Variants in TRANK1 observed in about 807,000 individuals in gnomAD.
TRANK1 encodes the protein tetratricopeptide repeat and ankyrin repeat containing 1.
Under a neutral mutation model 266.0 loss-of-function variants are expected in TRANK1, and 198 were observed. The ratio of observed to expected loss-of-function variants is 0.74; its 90% CI spans 0.66 to 0.84. The LOEUF is 0.84. Ranked by LOEUF, TRANK1 falls within the 40% of genes least tolerant of loss-of-function variation. The pLI is 0.00. For missense variants in TRANK1, 3,326 were observed against 3,634.6 expected (o/e 0.92, Z 2.18); for synonymous variants, 1,396 against 1,384.1 (o/e 1.01, Z -0.19).
chr3:36,844,457 C>T lies in TRANK1; in HGVS notation c.5192-1747G>A, dbSNP rs193042115. Among the ~76,000 whole-genome samples, 689 of 152,274 alleles carry T rather than the reference C, an allele frequency of 4.5e-3. 1 individual carries two copies. The highest frequency in any genetic ancestry group is 0.035 in the South Asian group (168 of 4,822). ...GGTCAGGCTGGTCTTGAACTCCTGACGTCAGGTGATCCGCCCACCTTGGCC... is the reference window on the plus strand; with the variant it reads ...GGTCAGGCTGGTCTTGAACTCCTGATGTCAGGTGATCCGCCCACCTTGGCC... On this transcript the variant is annotated intron_variant, in intron 17 of 23. Transcript: ENST00000645898.
At position 36,857,753 on chromosome 3, in the gene TRANK1, G is replaced by A. The variant is rs760958239; in HGVS notation, c.1969C>T (p.Arg657Trp). Residue 657 changes from arginine to tryptophan, a missense_variant, in exon 13 of 24, where the codon CGG becomes TGG. Arg to Trp is a moderately radical substitution (Grantham distance 101). Coordinates refer to ENST00000645898, the MANE Select transcript of TRANK1 (RefSeq NM_001329998.2). The surrounding 1 kb of genome is among the most constrained non-coding windows in gnomAD (Gnocchi z 4.3). The stretch of plus-strand genomic sequence containing the variant: ...CCCAGGTGGGCAGCAGAGTCCTGCC[G>A]GCTCCTCCTCCTGTTCTCCATCAGA... ...KALMENRRRSRQDSAAHLGKL... is the reference protein window; with the variant it reads ...KALMENRRRSWQDSAAHLGKL... 36 of 1,613,856 alleles carry A rather than the reference G, an allele frequency of 2.2e-5. No homozygotes were observed. Among genetic ancestry groups the A allele is most frequent in the African/African-American group, 6.7e-5 (5 of 74,932 alleles).
At position 36,831,812 on chromosome 3, in the gene TRANK1, C is replaced by T; in HGVS notation, c.7771G>A (p.Glu2591Lys). Residue 2591 changes from glutamate to lysine, a missense_variant, in exon 22 of 24, where the codon GAG (glutamate) becomes AAG (lysine). Transcript: ENST00000645898. This position sits in a 1 kb window ranked among gnomAD's most constrained non-coding sequence, Gnocchi z 5.0. ...CKPLLYRHFR[E>K]IESRLQLMSM... ...ATGAGCTGCAGCCTTGACTCAATCT[C>T]CCGGAAGTGGCGATACAGGAGAGGC... 6.2e-7 allele frequency: 1 copy of T among 1,613,986 alleles called. No homozygotes were observed. Among genetic ancestry groups the T allele is most frequent in the Non-Finnish European group, 8.5e-7 (1 of 1,179,902 alleles).
intron 9 of TRANK1, among the ~76,000 whole-genome samples, chr3:36,866,448 A>G (rs1460834434): frequency 6.6e-6 from 1 of 152,240 alleles, no homozygotes; most frequent in African/African-American, 2.4e-5. Flanking sequence ...GAGGAAGACC[A>G]GTAGGTGAGT....
At chr3:36,900,414 T>C (rs912948288) in intron 3 of TRANK1, among the ~76,000 whole-genome samples, 3 of 152,162 alleles carry the variant, frequency 2.0e-5, no homozygotes, top group Non-Finnish European at 2.9e-5. Flanking sequence ...CAAAGAAATA[T>C]TTGATTTCTA....
At chr3:36,861,209 C>A in intron 10 of TRANK1, 49 bp from the exon 11 acceptor site, 2 of 1,510,808 alleles carry the variant, frequency 1.3e-6, no homozygotes, top group Non-Finnish European at 1.8e-6. Context: ...CATATGATTT[C>A]TCTTCTTTCC....
At chr3:36,917,644 G>A (rs2080144974) in intron 1 of TRANK1, among the ~76,000 whole-genome samples, 2 of 152,166 alleles carry the variant, frequency 1.3e-5, no homozygotes. Context: ...TTTTCTCCAA[G>A]TACCATTTCT....
intron 23 of TRANK1, 74 bp downstream of exon 23, chr3:36,829,490 C>A: frequency 2.7e-6 from 4 of 1,463,576 alleles, no homozygotes; most frequent in Non-Finnish European, 3.8e-6. Context: ...ACTTCAGATT[C>A]CCCCCGGGAG....
At position 36,892,861 on chromosome 3, in the gene TRANK1, A is replaced by ATC. The variant is rs1553626376; in HGVS notation, c.636+39_636+40insGA. The ATC allele has an allele frequency of 1.8e-4, 130 of 719,040 alleles. 1 individual carries two copies. In the South Asian group the frequency reaches 3.6e-3, roughly 20 times the overall value. 44.5% of individuals were successfully genotyped at this position (719,040 alleles called of 1,614,324 possible). ...ACAAAACAAAACAAAACATATATAT[A>ATC]TATATATATAGATATATATAGATAT... On this transcript the variant is annotated intron_variant, in intron 6 of 23. Coordinates refer to ENST00000645898, the MANE Select transcript of TRANK1 (RefSeq NM_001329998.2).
chr3:36,850,201 A>G (rs569431181), intron 15 of TRANK1: 1 of 985,464 alleles, frequency 1.0e-6, no homozygotes, highest in African/African-American at 1.7e-5. Context: ...CGATGGATGT[A>G]TCATTAGAAA....
Position 36,846,313 on chromosome 3 carries a change from G to A in TRANK1, c.5126C>T (p.Ala1709Val). Reference protein sequence around the residue: ...WIFDENREKRAPAFKYFIRRD... With the variant: ...WIFDENREKRVPAFKYFIRRD... ...TCTAATGAAATATTTGAATGCGGGA[G>A]CCCGTTTCTCTCGGTTTTCATCAAA... Residue 1709 changes from alanine (A) to valine (V), a missense_variant, in exon 17 of 24, where the codon GCT becomes GTT. Transcript: ENST00000645898. 1 of 1,613,450 alleles carries A rather than the reference G, an allele frequency of 6.2e-7. No individual in the cohort carries two copies. Among genetic ancestry groups the A allele is most frequent in the Non-Finnish European group, 8.5e-7 (1 of 1,179,684 alleles).
chr3:36,870,371 C>G (rs542883454), intron 9 of TRANK1, among the ~76,000 whole-genome samples: 1 of 151,446 alleles, frequency 6.6e-6, no homozygotes, highest in Non-Finnish European at 1.5e-5. Context: ...TCTGCCATTG[C>G]ACTCCAGCCT....
intron 1 of TRANK1, among the ~76,000 whole-genome samples, chr3:36,920,547 A>T (rs1355689926): frequency 6.6e-6 from 1 of 152,222 alleles, no homozygotes; most frequent in African/African-American, 2.4e-5. Flanking sequence ...GTGTTTTATC[A>T]TCATTCTGGA....
intron 1 of TRANK1, among the ~76,000 whole-genome samples, chr3:36,940,541 C>G (rs2080483445): frequency 6.6e-6 from 1 of 151,906 alleles, no homozygotes; most frequent in Admixed American, 6.6e-5. Context: ...CTGGAGTGTC[C>G]CTCTCTTCCA....
intron 1 of TRANK1, among the ~76,000 whole-genome samples, chr3:36,921,806 A>G (rs1018438468): frequency 3.9e-5 from 6 of 152,162 alleles, no homozygotes; most frequent in African/African-American, 1.4e-4. Context: ...GAGCTAGTAC[A>G]TATCCTTATT....
At chr3:36,892,860 T>G (rs1045736270) in intron 6 of TRANK1, 41 bp downstream of exon 6, 6 of 722,460 alleles carry the variant, frequency 8.3e-6, no homozygotes, top group East Asian at 5.0e-5. Flanking sequence ...AACATATATA[T>G]ATATATATAT....
In TRANK1 at chr3:36,831,358, G is replaced by A. The variant is rs763175981; in HGVS notation, c.8225C>T (p.Thr2742Ile). ...LCISWRRRVG[T>I]QMERVREEAR... ...CTCCTCCCTGACACGCTCCATCTGGGTGCCCACTCTTCTCCTCCAACTGAT... is the reference window on the plus strand; with the variant it reads ...CTCCTCCCTGACACGCTCCATCTGGATGCCCACTCTTCTCCTCCAACTGAT... The change falls in exon 22 of 24, where the codon ACC becomes ATC. Residue 2742 changes from threonine (T) to isoleucine (I), a missense_variant. Coordinates refer to ENST00000645898, the MANE Select transcript of TRANK1 (RefSeq NM_001329998.2). This position sits in a 1 kb window ranked among gnomAD's most constrained non-coding sequence, Gnocchi z 5.0. 10 of 1,613,372 alleles carry A rather than the reference G, an allele frequency of 6.2e-6. No individual in the cohort carries two copies. The highest frequency in any genetic ancestry group is 8.5e-6 in the Non-Finnish European group (10 of 1,179,696).
chr3:36,838,884 T>C (rs1416372171), intron 18 of TRANK1, among the ~76,000 whole-genome samples, 168 bp from the exon 19 acceptor site: 1 of 152,246 alleles, frequency 6.6e-6, no homozygotes, highest in Non-Finnish European at 1.5e-5. Context: ...AAAGTAGTCT[T>C]GGAGGATAAA....
At chr3:36,865,547 T>C (rs1283969608) in intron 9 of TRANK1, among the ~76,000 whole-genome samples, 1 of 152,050 alleles carries the variant, frequency 6.6e-6, no homozygotes, top group Non-Finnish European at 1.5e-5. Context: ...TCTTTTTCAT[T>C]CAAGTTATTT....
chr3:36,906,670 T>C (rs931380545), intron 2 of TRANK1, among the ~76,000 whole-genome samples: 12 of 152,038 alleles, frequency 7.9e-5, no homozygotes, highest in Admixed American at 1.3e-4. Context: ...ATTGGAATGA[T>C]AAGCTTTGAA....
Sources: allele counts gnomAD v4.1 joint callset (sites outside exome capture counted in the v4.1 genomes callset), GRCh38; gene constraint gnomAD v4.1.1; non-coding constraint Gnocchi (gnomAD v3.1); transcripts MANE v1.5; gene names NCBI Gene and HGNC (gene_info 2026-07-23, HGNC 2026-07-21).